Variants in GALNT18 observed in about 807,000 individuals in gnomAD.
GALNT18 encodes the protein polypeptide N-acetylgalactosaminyltransferase 18.
GALNT18 carries 44 observed loss-of-function variants against 69.5 expected under a neutral mutation model. That is an observed-to-expected ratio of 0.63 (90% CI 0.50 to 0.81). The LOEUF is 0.81. Ranked by LOEUF, GALNT18 falls within the 40% of genes least tolerant of loss-of-function variation. The pLI is 0.00. For missense variants in GALNT18, 715 were observed against 810.0 expected, an observed-to-expected ratio of 0.88 and a Z score of 1.42; for synonymous variants, 364 against 318.2, an observed-to-expected ratio of 1.14 and a Z score of -1.53.
Position 11,372,539 on chromosome 11 carries a change from G to T in GALNT18, c.1068C>A (p.Gly356=), listed in dbSNP as rs373710256. 2 of 1,613,922 alleles carry T rather than the reference G, an allele frequency of 1.2e-6. No homozygotes were observed. Among genetic ancestry groups the T allele is most frequent in the African/African-American group, 2.7e-5 (2 of 74,912 alleles). Residue 356 remains glycine, a synonymous_variant, in exon 6 of 11, where the codon GGC becomes GGA. Coordinates refer to ENST00000227756, the MANE Select transcript of GALNT18 (RefSeq NM_198516.3). The surrounding 1 kb of genome is among the most constrained non-coding windows in gnomAD (Gnocchi z 4.9). ...LLDEGMEVYG[G]ENVELGIRVW... is the part of the protein sequence containing the mutation. Reference sequence around the variant, plus strand: ...CCCTGATCCCAAGCTCCACATTCTCGCCCCCGTAGACTTCCATGCCTTCGT... The same window carrying T: ...CCCTGATCCCAAGCTCCACATTCTCTCCCCCGTAGACTTCCATGCCTTCGT...
intron 3 of GALNT18, among the ~76,000 whole-genome samples, chr11:11,380,377 G>A (rs1853881987): frequency 1.3e-5 from 2 of 152,192 alleles, no homozygotes; most frequent in African/African-American, 4.8e-5. Flanking sequence ...CATATTTCAT[G>A]ATTTCAAATT....
rs537778636 is a variant in GALNT18, at chr11:11,373,791, G to C, written c.978-1162C>G. ...GAGCACGGGGCTACTTCTCTGCTGA[G>C]AGCCCTGCTTATGCAGTGACGTTGA... On this transcript the variant is annotated intron_variant, in intron 5 of 10. Transcript: ENST00000227756. 2.0e-5 allele frequency among the ~76,000 whole-genome samples: 3 copies of C among 152,216 alleles called. No individual in the cohort carries two copies. The East Asian group carries it at 5.8e-4, about 29-fold the overall frequency.
At chr11:11,560,391 A>G (rs965213677) in intron 1 of GALNT18, among the ~76,000 whole-genome samples, 2 of 152,188 alleles carry the variant, frequency 1.3e-5, no homozygotes, top group South Asian at 4.1e-4. Flanking sequence ...TCAAATCACA[A>G]TAGAGACACT....
chr11:11,448,702 C>T (rs1377766143), intron 2 of GALNT18, 42 bp downstream of exon 2: 1 of 1,551,984 alleles, frequency 6.4e-7, no homozygotes, highest in South Asian at 1.2e-5. Flanking sequence ...CCCATCTCCC[C>T]ATAGGCAGGT....
intron 3 of GALNT18, among the ~76,000 whole-genome samples, chr11:11,412,094 C>T (rs1854744869): frequency 6.6e-6 from 1 of 152,174 alleles, no homozygotes; most frequent in South Asian, 2.1e-4. Flanking sequence ...GGATGGGACA[C>T]CAAGAGCATC....
intron 1 of GALNT18, among the ~76,000 whole-genome samples, chr11:11,493,439 C>A (rs529613546): frequency 1.3e-5 from 2 of 152,204 alleles, no homozygotes; most frequent in South Asian, 4.2e-4. Context: ...CCAGCTCAAC[C>A]TTCCTACATA....
Position 11,377,549 on chromosome 11 carries a change from G to A in GALNT18, c.780-170C>T, listed in dbSNP as rs552076009. Among the ~76,000 whole-genome samples, 13 of 152,134 alleles carry A rather than the reference G, an allele frequency of 8.5e-5. No individual in the cohort carries two copies. Among genetic ancestry groups the A allele is most frequent in the Admixed American group, 2.0e-4 (3 of 15,298 alleles). On this transcript the variant is annotated intron_variant, in intron 4 of 10. Transcript: ENST00000227756. The surrounding 1 kb of genome is among the most constrained non-coding windows in gnomAD (Gnocchi z 4.6). ...GGAAGGAGCTCCTATTCAACTTCCC[G>A]CTCCCTGAGGATTGCCGGAATGGCA...
intron 3 of GALNT18, among the ~76,000 whole-genome samples, chr11:11,406,930 G>A (rs893224771): frequency 1.3e-5 from 2 of 152,212 alleles, no homozygotes; most frequent in African/African-American, 4.8e-5. Context: ...GTGAGGCCAG[G>A]AGGAATATTA....
At chr11:11,349,897 A>G (rs953578616) in intron 6 of GALNT18, among the ~76,000 whole-genome samples, 1 of 152,208 alleles carries the variant, frequency 6.6e-6, no homozygotes, top group African/African-American at 2.4e-5. Context: ...CTTGCAATCA[A>G]CACTTCCGAA....
At chr11:11,304,358 C>G (rs1370426490) in intron 9 of GALNT18, among the ~76,000 whole-genome samples, 4 of 152,136 alleles carry the variant, frequency 2.6e-5, no homozygotes, top group Non-Finnish European at 4.4e-5. Flanking sequence ...TTAACAAATA[C>G]AGTTAGCTTG....
At chr11:11,304,294 T>C (rs1849542263) in intron 9 of GALNT18, among the ~76,000 whole-genome samples, 1 of 152,218 alleles carries the variant, frequency 6.6e-6, no homozygotes, top group South Asian at 2.1e-4. Flanking sequence ...GTCTTTACCT[T>C]AAGCTACCCA....
At chr11:11,298,875 T>C (rs1849445161) in intron 9 of GALNT18, among the ~76,000 whole-genome samples, 1 of 152,218 alleles carries the variant, frequency 6.6e-6, no homozygotes, top group South Asian at 2.1e-4. Context: ...TGCAGATGAG[T>C]AGGCCTTTGT....
chr11:11,342,639 A>G (rs1188927993), intron 6 of GALNT18, among the ~76,000 whole-genome samples: 4 of 152,182 alleles, frequency 2.6e-5, no homozygotes, highest in Non-Finnish European at 5.9e-5. Flanking sequence ...CTTAGGACCA[A>G]TAGAAAGGAA....
chr11:11,568,201 C>A (rs1858699639), intron 1 of GALNT18, among the ~76,000 whole-genome samples: 2 of 152,214 alleles, frequency 1.3e-5, no homozygotes, highest in African/African-American at 4.8e-5. Flanking sequence ...GCCCAGGTGA[C>A]ATAAGGAAGA....
intron 6 of GALNT18, among the ~76,000 whole-genome samples, chr11:11,349,895 C>G (rs923533415): frequency 6.6e-5 from 10 of 152,192 alleles, no homozygotes; most frequent in African/African-American, 1.9e-4. Context: ...TTCTTGCAAT[C>G]AACACTTCCG....
intron 1 of GALNT18, among the ~76,000 whole-genome samples, chr11:11,501,918 C>G (rs1856980074): frequency 6.6e-6 from 1 of 152,218 alleles, no homozygotes; most frequent in Non-Finnish European, 1.5e-5. Flanking sequence ...AATGCAGCTT[C>G]AGAGAGGCCT....
Position 11,605,594 on chromosome 11 carries a change from C to G in GALNT18, c.235+15765G>C, listed in dbSNP as rs574546628. On this transcript the variant is annotated intron_variant, in intron 1 of 10. Transcript: ENST00000227756. This position sits in a 1 kb window ranked among gnomAD's most constrained non-coding sequence, Gnocchi z 4.7. ...TCTGGGGTCCCAAGCACTCTGTTTC[C>G]TTTCTTGAAAATGAAGCTATGCTTT... 2.0e-5 allele frequency among the ~76,000 whole-genome samples: 3 copies of G among 152,266 alleles called. No homozygotes were observed. The highest frequency in any genetic ancestry group is 4.1e-4 in the South Asian group (2 of 4,822).
At chr11:11,533,239 G>T (rs1425468556) in intron 1 of GALNT18, among the ~76,000 whole-genome samples, 1 of 152,184 alleles carries the variant, frequency 6.6e-6, no homozygotes, top group Non-Finnish European at 1.5e-5. Flanking sequence ...TCTTTAGCTT[G>T]TTTCATCCTC....
At chr11:11,581,902 G>A (rs1052927111) in intron 1 of GALNT18, among the ~76,000 whole-genome samples, 1 of 152,026 alleles carries the variant, frequency 6.6e-6, no homozygotes, top group African/African-American at 2.4e-5. Context: ...ATTATTGAAA[G>A]TCCACCAGAT....
Sources: gnomAD v4.1 joint callset for allele counts (sites outside exome capture counted in the v4.1 genomes callset) on GRCh38, gnomAD v4.1.1 for gene constraint, Gnocchi (gnomAD v3.1) non-coding constraint, MANE v1.5 for transcripts, NCBI Gene and HGNC (gene_info 2026-07-23, HGNC 2026-07-21) for gene names.